The following KCNIP4 variants were observed in gnomAD, a reference collection of about 807,000 sequenced individuals.
The protein encoded by KCNIP4 is Kv channel-interacting protein 4.
Under a neutral mutation model 34.0 loss-of-function variants are expected in KCNIP4, and 12 were observed. The observed-to-expected ratio is 0.35, with a 90% CI of 0.23 to 0.57. The LOEUF is 0.57. Among genes scored for constraint, KCNIP4 ranks in the 20% least tolerant of loss-of-function variants. The pLI, the probability that KCNIP4 is intolerant of heterozygous loss-of-function variation, is 0.83. For synonymous variants in KCNIP4, 124 were observed against 102.2 expected (o/e 1.21, Z -1.29); for missense variants, 238 against 311.7 (o/e 0.76, Z 1.78).
intron 1 of KCNIP4, among the ~76,000 whole-genome samples, chr4:21,460,096 G>GC (rs869086679): frequency 9.4e-5 from 11 of 116,646 alleles, no homozygotes; most frequent in Non-Finnish European, 1.1e-4. Context: ...TGCAAAATCT[G>GC]CCCCCCGCCC....
At chr4:21,455,638 T>TC (rs1728860812) in intron 1 of KCNIP4, among the ~76,000 whole-genome samples, 2 of 149,906 alleles carry the variant, frequency 1.3e-5, no homozygotes, top group Non-Finnish European at 3.0e-5. Flanking sequence ...TTTTTTTTTT[T>TC]CAGTTATGAA....
At chr4:21,529,304 G>A (rs561177007) in intron 1 of KCNIP4, among the ~76,000 whole-genome samples, 3 of 152,110 alleles carry the variant, frequency 2.0e-5, no homozygotes, top group Non-Finnish European at 4.4e-5. Flanking sequence ...AGGAGAAAGG[G>A]TGCAAAATAC....
At chr4:20,775,950 C>G (rs1201462223) in intron 3 of KCNIP4, among the ~76,000 whole-genome samples, 1 of 152,042 alleles carries the variant, frequency 6.6e-6, no homozygotes, top group African/African-American at 2.4e-5. Context: ...TTCTGTTTAC[C>G]TGTTTTAATA....
At chr4:21,918,376 GA>G (rs1227663961) in intron 1 of KCNIP4, among the ~76,000 whole-genome samples, 1 of 152,152 alleles carries the variant, frequency 6.6e-6, no homozygotes, top group African/African-American at 2.4e-5. Context: ...AGGTAAAACT[GA>G]TAAGATTGGA....
At chr4:21,088,936 T>C (rs1577671499) in intron 1 of KCNIP4, among the ~76,000 whole-genome samples, 1 of 152,182 alleles carries the variant, frequency 6.6e-6, no homozygotes, top group East Asian at 1.9e-4. Context: ...CCCCAATCAG[T>C]GCCTAGAAGC....
intron 1 of KCNIP4, among the ~76,000 whole-genome samples, chr4:21,493,783 A>G (rs1282081669): frequency 2.0e-5 from 3 of 152,158 alleles, no homozygotes; most frequent in Non-Finnish European, 4.4e-5. Context: ...CCCTACCATA[A>G]TAAGAAATTC....
intron 1 of KCNIP4, among the ~76,000 whole-genome samples, chr4:20,916,919 C>T (rs1728866754): frequency 6.9e-6 from 1 of 145,816 alleles, no homozygotes; most frequent in South Asian, 2.3e-4. Flanking sequence ...TCCTTACCTC[C>T]CCTCCTGTCC....
intron 1 of KCNIP4, among the ~76,000 whole-genome samples, chr4:21,427,499 A>G (rs901492125): frequency 4.6e-5 from 7 of 152,126 alleles, no homozygotes; most frequent in Non-Finnish European, 1.0e-4. Flanking sequence ...GTGGTCCCTC[A>G]GAGGTAGGGT....
chr4:21,516,903 A>G lies in KCNIP4; in HGVS notation c.61+431668T>C, dbSNP rs577991973. ...CTGTGTCTGGGAAGAGTTTGGAAAC[A>G]TACACAATATTAGAGACTGGTTCCT... On this transcript the variant is annotated intron_variant, in intron 1 of 8. Coordinates refer to ENST00000382152, the MANE Select transcript of KCNIP4 (RefSeq NM_025221.6). Among the ~76,000 whole-genome samples the G allele has an allele frequency of 4.6e-5, 7 of 152,318 alleles. No individual in the cohort carries two copies. The East Asian group carries it at 1.2e-3, about 25-fold the overall frequency.
At chr4:21,865,934 T>TAC (rs1410252137) in intron 1 of KCNIP4, among the ~76,000 whole-genome samples, 4 of 150,806 alleles carry the variant, frequency 2.7e-5, no homozygotes, top group Admixed American at 2.0e-4. Flanking sequence ...GTCTCATATA[T>TAC]ATATATGGTG....
At chr4:21,911,308 T>C (rs1475556729) in intron 1 of KCNIP4, among the ~76,000 whole-genome samples, 1 of 152,146 alleles carries the variant, frequency 6.6e-6, no homozygotes, top group Non-Finnish European at 1.5e-5. Flanking sequence ...CTGTGCATAA[T>C]GTGGCAGCTA....
intron 1 of KCNIP4, among the ~76,000 whole-genome samples, chr4:20,990,167 G>T (rs564093423): frequency 6.6e-6 from 1 of 152,262 alleles, no homozygotes; most frequent in African/African-American, 2.4e-5. Flanking sequence ...CCAAAATGAT[G>T]AAAGTTATCT....
intron 1 of KCNIP4, among the ~76,000 whole-genome samples, chr4:21,262,299 GC>G (rs1761522188): frequency 6.6e-6 from 1 of 152,100 alleles, no homozygotes. Context: ...ACCTTGGGTT[GC>G]CCTCTTATCT....
chr4:21,537,913 G>A (rs1258949114), intron 1 of KCNIP4, among the ~76,000 whole-genome samples: 3 of 147,534 alleles, frequency 2.0e-5, no homozygotes, highest in Admixed American at 6.9e-5. Flanking sequence ...TCGGGAGGCT[G>A]AGTCAGAAGA....
At chr4:20,871,488 G>T (rs781318621) in intron 2 of KCNIP4, among the ~76,000 whole-genome samples, 4 of 152,016 alleles carry the variant, frequency 2.6e-5, no homozygotes, top group Admixed American at 6.6e-5. Context: ...AAAGGGCCAG[G>T]GAGTGGCAGG....
At chr4:21,309,459 A>G (rs1196206000) in intron 1 of KCNIP4, among the ~76,000 whole-genome samples, 2 of 152,224 alleles carry the variant, frequency 1.3e-5, no homozygotes, top group Non-Finnish European at 2.9e-5. Context: ...GCCCATAAAT[A>G]TATCTATGTA....
intron 1 of KCNIP4, among the ~76,000 whole-genome samples, chr4:21,684,056 C>T (rs1272275712): frequency 6.6e-6 from 1 of 151,916 alleles, no homozygotes; most frequent in African/African-American, 2.4e-5. Context: ...GCTGAAATTC[C>T]ATAAAACAAA....
chr4:21,083,372 C>G (rs1746166695), intron 1 of KCNIP4, among the ~76,000 whole-genome samples: 2 of 151,832 alleles, frequency 1.3e-5, no homozygotes, highest in East Asian at 3.9e-4. Context: ...TGCCTAGGTA[C>G]TAATCCCTGG....
rs533468137 is a variant in KCNIP4, at chr4:21,564,481, T to C, written c.61+384090A>G. On this transcript the variant is annotated intron_variant, in intron 1 of 8. Transcript: ENST00000382152. Reference sequence around the variant, plus strand: ...GACCCAGGATCATAAGTGGGGGACCTTCTATTTGCTCTTTACATTCAGTCT... The same window carrying C: ...GACCCAGGATCATAAGTGGGGGACCCTCTATTTGCTCTTTACATTCAGTCT... Among the ~76,000 whole-genome samples the C allele has an allele frequency of 9.9e-5, 15 of 152,264 alleles. No homozygotes were observed. The South Asian group carries it at 3.1e-3, about 32-fold the overall frequency.
Sources: gnomAD v4.1 joint callset for allele counts (sites outside exome capture counted in the v4.1 genomes callset) on GRCh38, gnomAD v4.1.1 for gene constraint, MANE v1.5 for transcripts, NCBI Gene and HGNC (gene_info 2026-07-23, HGNC 2026-07-21) for gene names.